Variants in CORO1C observed in about 807,000 individuals in gnomAD.
CORO1C encodes coronin 1C.
CORO1C carries 14 observed loss-of-function variants against 51.2 expected under a neutral mutation model. The observed-to-expected ratio is 0.27, with a 90% CI of 0.18 to 0.43. The LOEUF (loss-of-function observed/expected upper bound fraction) is 0.43, where lower values mean the gene tolerates loss of function less well. Ranked by LOEUF, CORO1C falls within the 20% of genes least tolerant of loss-of-function variation. CORO1C has a pLI of 1.00. For missense variants in CORO1C, 417 were observed against 607.8 expected, an observed-to-expected ratio of 0.69 and a Z score of 3.30; for synonymous variants, 181 against 210.5, an observed-to-expected ratio of 0.86 and a Z score of 1.21.
chr12:108,674,780 G>A (rs1017452213), intron 3 of CORO1C, among the ~76,000 whole-genome samples: 4 of 152,204 alleles, frequency 2.6e-5, no homozygotes, highest in Admixed American at 6.5e-5. Context: ...TTGAACAGAT[G>A]AGGAGTTGTT....
intron 2 of CORO1C, among the ~76,000 whole-genome samples, chr12:108,696,898 C>G (rs927437144): frequency 6.6e-6 from 1 of 152,196 alleles, no homozygotes; most frequent in Non-Finnish European, 1.5e-5. Flanking sequence ...CCCACTTTCC[C>G]TAATAAAACC....
intron 2 of CORO1C, among the ~76,000 whole-genome samples, chr12:108,682,936 G>A (rs568044339): frequency 6.6e-6 from 1 of 152,140 alleles, no homozygotes; most frequent in Admixed American, 6.5e-5. Flanking sequence ...AATCATAATG[G>A]ATAACAGAAT....
chr12:108,671,247 G>GT (rs2033706631), intron 3 of CORO1C, among the ~76,000 whole-genome samples: 1 of 151,958 alleles, frequency 6.6e-6, no homozygotes, highest in East Asian at 1.9e-4. Context: ...GAGGTGGGAG[G>GT]ATTGCTTGGG....
chr12:108,708,466 T>TG (rs2035089830), intron 1 of CORO1C, among the ~76,000 whole-genome samples: 1 of 151,874 alleles, frequency 6.6e-6, no homozygotes, highest in African/African-American at 2.4e-5. Context: ...CTTAGAGTTT[T>TG]TTTTTTTTTT....
At chr12:108,726,303 C>T (rs1301753424) in intron 1 of CORO1C, among the ~76,000 whole-genome samples, 2 of 151,092 alleles carry the variant, frequency 1.3e-5, no homozygotes, top group African/African-American at 4.9e-5. Flanking sequence ...CCTGTAGTCC[C>T]AGCTACTTGG....
intron 3 of CORO1C, among the ~76,000 whole-genome samples, chr12:108,669,262 C>CA (rs1469533420): frequency 2.0e-5 from 3 of 152,130 alleles, no homozygotes; most frequent in Non-Finnish European, 4.4e-5. Context: ...ATAAGTAATA[C>CA]AAAAAGCAGT....
Position 108,645,645 on chromosome 12 carries a change from C to G in CORO1C, c.*1758G>C, listed in dbSNP as rs995590245. 4.6e-5 allele frequency: 7 copies of G among 152,324 alleles called. No individual in the cohort carries two copies. Among genetic ancestry groups the G allele is most frequent in the African/African-American group, 1.7e-4 (7 of 41,574 alleles). The allele number at this position is 152,324 out of a possible 1,614,324, so 9.4% of individuals were successfully genotyped here. The stretch of plus-strand genomic sequence containing the variant: ...ATGCCCTGAAATTGTGGAGACAGCA[C>G]TCCCAGTATTGGCTGGATAAGAACA... On this transcript the variant is annotated 3_prime_UTR_variant, in exon 11 of 11. Transcript: ENST00000261401.
chr12:108,720,274 A>G (rs979725258), intron 1 of CORO1C, among the ~76,000 whole-genome samples: 4 of 152,224 alleles, frequency 2.6e-5, no homozygotes, highest in Admixed American at 6.5e-5. Flanking sequence ...TGCTGCCAAT[A>G]GTTTTAATTT....
chr12:108,657,761 C>T (rs1237879203), intron 5 of CORO1C, among the ~76,000 whole-genome samples: 2 of 152,198 alleles, frequency 1.3e-5, no homozygotes, highest in Non-Finnish European at 2.9e-5. Flanking sequence ...AGGATAATAA[C>T]ATAAGGAGAT....
rs1197127715 is a variant in CORO1C at position 108,645,227 on chromosome 12, G to C, written c.*2176C>G. The C allele has an allele frequency of 2.0e-5, 3 of 146,564 alleles. No homozygotes were observed. The highest frequency in any genetic ancestry group is 4.5e-5 in the Non-Finnish European group (3 of 66,814). The allele number at this position is 146,564 out of a possible 1,614,324, so 9.1% of individuals were successfully genotyped here. A position where few individuals can be genotyped will look rare whatever the true frequency, so the allele number is the denominator to read the frequency against. On this transcript the variant is annotated 3_prime_UTR_variant, in exon 11 of 11. Transcript: ENST00000261401. ...CACTGTCCTCTTCTGGGATGTCATG[G>C]CTTAAAAAAAAAAAAAAAAAAAGAC...
At chr12:108,687,576 G>C (rs1412123375) in intron 2 of CORO1C, among the ~76,000 whole-genome samples, 1 of 152,006 alleles carries the variant, frequency 6.6e-6, no homozygotes, top group Non-Finnish European at 1.5e-5. Flanking sequence ...CTTGAGGTCA[G>C]GAGTTCGAGA....
At chr12:108,713,249 T>C (rs2035233317) in intron 1 of CORO1C, among the ~76,000 whole-genome samples, 1 of 152,228 alleles carries the variant, frequency 6.6e-6, no homozygotes, top group Non-Finnish European at 1.5e-5. Context: ...CCACTGCTGA[T>C]ATGGACTTGT....
At chr12:108,686,407 A>C (rs2034296949) in intron 2 of CORO1C, among the ~76,000 whole-genome samples, 1 of 152,248 alleles carries the variant, frequency 6.6e-6, no homozygotes, top group Non-Finnish European at 1.5e-5. Context: ...TGAATTATTT[A>C]AGAAACTCCC....
At position 108,647,333 on chromosome 12, in the gene CORO1C, C is replaced by CA; in HGVS notation, c.*69dup. 1 of 1,535,530 alleles carries CA rather than the reference C, an allele frequency of 6.5e-7. No individual in the cohort carries two copies. Among genetic ancestry groups the CA allele is most frequent in the Non-Finnish European group, 8.9e-7 (1 of 1,126,438 alleles). ...CCTCCCTTTCCGCCCTCCCTAGGAC[C>CA]ACACCAATAACCAGCTCCCAAGCAC... On this transcript the variant is annotated 3_prime_UTR_variant, in exon 11 of 11. Coordinates refer to ENST00000261401, the MANE Select transcript of CORO1C (RefSeq NM_014325.4).
At chr12:108,649,314 G>A (rs960849425) in intron 8 of CORO1C, 2 of 446,668 alleles carry the variant, frequency 4.5e-6, no homozygotes, top group Middle Eastern at 6.2e-4. Context: ...ACCAACTGTG[G>A]TGGAAATAAT....
chr12:108,712,445 G>A (rs1226116564), intron 1 of CORO1C, among the ~76,000 whole-genome samples: 1 of 151,480 alleles, frequency 6.6e-6, no homozygotes, highest in Non-Finnish European at 1.5e-5. Context: ...GTGGTTGCAG[G>A]TGCCTGTAAT....
chr12:108,704,316 A>G (rs2034965635), intron 1 of CORO1C, among the ~76,000 whole-genome samples: 1 of 152,100 alleles, frequency 6.6e-6, no homozygotes, highest in Admixed American at 6.5e-5. Context: ...TACTAAAAAT[A>G]CAAAAATTAG....
chr12:108,684,042 T>C (rs936975527), intron 2 of CORO1C, among the ~76,000 whole-genome samples: 1 of 152,106 alleles, frequency 6.6e-6, no homozygotes, highest in Non-Finnish European at 1.5e-5. Flanking sequence ...TCTTTAAAAA[T>C]GTAAATGAAC....
intron 1 of CORO1C, among the ~76,000 whole-genome samples, chr12:108,718,213 C>A (rs1046267809): frequency 1.3e-5 from 2 of 152,064 alleles, no homozygotes; most frequent in African/African-American, 4.8e-5. Context: ...ATTAGCCAGG[C>A]GTGGCAGTGG....
Sources: gnomAD v4.1 joint callset for allele counts (sites outside exome capture counted in the v4.1 genomes callset) on GRCh38, gnomAD v4.1.1 for gene constraint, MANE v1.5 for transcripts, NCBI Gene and HGNC (gene_info 2026-07-23, HGNC 2026-07-21) for gene names.